The following IL1R2 variants were observed in gnomAD, a reference collection of about 807,000 sequenced individuals.
IL1R2 encodes interleukin 1 receptor type 2.
Under a neutral mutation model 39.5 loss-of-function variants are expected in IL1R2, and 46 were observed. That is an observed-to-expected ratio of 1.16 (90% CI 0.92 to 1.49). IL1R2 has a LOEUF of 1.49. Ranked by LOEUF, IL1R2 falls within the 40% of genes most tolerant of loss-of-function variation. The probability of loss-of-function intolerance (pLI) is 0.00; values close to 1 mark genes in which losing one functional copy is unlikely to be tolerated. For synonymous variants in IL1R2, 207 were observed against 189.6 expected (o/e 1.09, Z -0.75); for missense variants, 537 against 502.0 (o/e 1.07, Z -0.67).
intron 6 of IL1R2, among the ~76,000 whole-genome samples, chr2:102,023,916 G>A (rs374941991): frequency 3.8e-4 from 58 of 152,216 alleles, no homozygotes; most frequent in African/African-American, 1.3e-3. Context: ...CGGGCGTGGT[G>A]GCGGGTGCCC....
At position 102,009,748 on chromosome 2, in the gene IL1R2, G is replaced by A. The variant is rs145651311; in HGVS notation, c.254G>A (p.Arg85Gln). 2.0e-5 allele frequency: 32 copies of A among 1,614,170 alleles called. No homozygotes were observed. The highest frequency in any genetic ancestry group is 1.9e-4 in the South Asian group (17 of 91,086). Residue 85 changes from arginine to glutamine, a missense_variant, in exon 3 of 9, where the codon CGG becomes CAG. Arg to Gln is a conservative substitution (Grantham distance 43). Transcript: ENST00000332549. Reference sequence around the variant, plus strand: ...ACGGTCCCAGGAGAAGAAGAGACACGGATGTGGGCCCAGGACGGTGCTCTG... The same window carrying A: ...ACGGTCCCAGGAGAAGAAGAGACACAGATGTGGGCCCAGGACGGTGCTCTG... ...ARTVPGEEET[R>Q]MWAQDGALWL... is the part of the protein sequence containing the mutation.
intron 5 of IL1R2, 22 bp from the exon 6 acceptor site, chr2:102,022,165 C>T (rs775265303): frequency 6.2e-7 from 1 of 1,601,486 alleles, no homozygotes; most frequent in Non-Finnish European, 8.6e-7. Context: ...AACGGAATCT[C>T]TTTTCCTTAC....
chr2:102,007,832 A>G (rs1380345304), intron 1 of IL1R2, among the ~76,000 whole-genome samples: 2 of 152,390 alleles, frequency 1.3e-5, no homozygotes, highest in Non-Finnish European at 2.9e-5. Context: ...CTCTTCACAT[A>G]TGATAAGGTA....
intron 6 of IL1R2, among the ~76,000 whole-genome samples, chr2:102,023,847 A>ACCAT (rs1677546131): frequency 6.6e-6 from 1 of 151,644 alleles, no homozygotes; most frequent in Non-Finnish European, 1.5e-5. Context: ...GGAGATCGAG[A>ACCAT]CCATCCTGGC....
intron 1 of IL1R2, among the ~76,000 whole-genome samples, chr2:102,002,848 G>A (rs1675980441): frequency 2.9e-5 from 4 of 137,870 alleles, no homozygotes; most frequent in African/African-American, 7.9e-5. Context: ...CTGTGTCTAT[G>A]TCTGTGTCTA....
In IL1R2 at chr2:101,994,447, A is replaced by G. The variant is rs1675493437; in HGVS notation, c.-62+2436A>G. ...CATAGGGGAGACACTCGATCATGAC[A>G]GTGTCTTTGCCCAGTGGTTCTCAAA... On this transcript the variant is annotated intron_variant, in intron 1 of 8. Transcript: ENST00000332549. 1.3e-5 allele frequency among the ~76,000 whole-genome samples: 2 copies of G among 152,188 alleles called. 1 individual carries two copies. The highest frequency in any genetic ancestry group is 4.1e-4 in the South Asian group (2 of 4,832).
intron 1 of IL1R2, among the ~76,000 whole-genome samples, chr2:102,006,051 T>C (rs1485344050): frequency 6.6e-5 from 10 of 152,218 alleles, no homozygotes; most frequent in Admixed American, 6.5e-4. Context: ...TTTGGCACAA[T>C]AGCTATTGTT....
At chr2:102,002,729 C>CCTATGCCTATGCCTATGT (rs1675955779) in intron 1 of IL1R2, among the ~76,000 whole-genome samples, 2 of 20,158 alleles carry the variant, frequency 9.9e-5, no homozygotes, top group African/African-American at 2.3e-4. Context: ...TATGCCTATG[C>CCTATGCCTATGCCTATGT]CTATGTCTAT....
intron 7 of IL1R2, among the ~76,000 whole-genome samples, chr2:102,025,192 A>T (rs530597008): frequency 6.6e-6 from 1 of 152,250 alleles, no homozygotes; most frequent in African/African-American, 2.4e-5. Flanking sequence ...AGACTCGAAC[A>T]ATCAGACCTT....
chr2:102,026,652 T>C (rs566812874), intron 8 of IL1R2, among the ~76,000 whole-genome samples: 1 of 152,246 alleles, frequency 6.6e-6, no homozygotes, highest in Non-Finnish European at 1.5e-5. Context: ...GATTGGGAGC[T>C]ACCCAGGGTT....
intron 6 of IL1R2, among the ~76,000 whole-genome samples, chr2:102,023,965 C>T (rs3218969): frequency 2.1e-3 from 315 of 151,224 alleles, no homozygotes; most frequent in African/African-American, 7.2e-3. Context: ...AGGAGAATGG[C>T]GTGAACCGGG....
At chr2:102,023,951 A>G (rs1164229438) in intron 6 of IL1R2, among the ~76,000 whole-genome samples, 1 of 151,698 alleles carries the variant, frequency 6.6e-6, no homozygotes, top group Non-Finnish European at 1.5e-5. Context: ...CGGGGCGCCG[A>G]GGCAGGAGAA....
intron 3 of IL1R2, 174 bp downstream of exon 3, chr2:102,010,000 TG>T (rs1553614682): frequency 1.4e-6 from 1 of 727,460 alleles, no homozygotes; most frequent in Non-Finnish European, 2.2e-6. Flanking sequence ...AGTCTCATTC[TG>T]TCTCCATTTA....
At chr2:102,013,558 G>GAAAAAA (rs1676788000) in intron 3 of IL1R2, among the ~76,000 whole-genome samples, 1 of 33,754 alleles carries the variant, frequency 3.0e-5, no homozygotes, top group Non-Finnish European at 5.5e-5. Flanking sequence ...AAAAAGGAAA[G>GAAAAAA]AAAGAAAAGA....
chr2:102,016,481 A>G (rs1033798699), intron 4 of IL1R2: 16 of 162,882 alleles, frequency 9.8e-5, no homozygotes, highest in African/African-American at 3.8e-4. Flanking sequence ...ATATGTTTAT[A>G]TGTACAAAAA....
intron 1 of IL1R2, among the ~76,000 whole-genome samples, chr2:102,001,140 C>A (rs1675836785): frequency 2.0e-5 from 3 of 152,176 alleles, no homozygotes; most frequent in South Asian, 4.1e-4. Flanking sequence ...CCCAGACTCA[C>A]AGGGAATGGA....
intron 3 of IL1R2, among the ~76,000 whole-genome samples, chr2:102,012,429 A>T (rs1220522011): frequency 1.3e-5 from 2 of 152,176 alleles, no homozygotes; most frequent in Admixed American, 6.5e-5. Context: ...CAGTGGAAGT[A>T]CTGGTGAATG....
chr2:102,028,204 T>G (rs539610177), intron 8 of IL1R2, 22 bp from the exon 9 acceptor site: 1 of 1,590,018 alleles, frequency 6.3e-7, no homozygotes. Context: ...CAGCTCCTGA[T>G]GTGACTCTGT....
chr2:102,016,714 C>A (rs924058939), intron 4 of IL1R2, among the ~76,000 whole-genome samples: 1 of 152,184 alleles, frequency 6.6e-6, no homozygotes, highest in African/African-American at 2.4e-5. Flanking sequence ...TGTATTTACA[C>A]AGGGCATTTA....
Sources: gnomAD v4.1 joint callset for allele counts (sites outside exome capture counted in the v4.1 genomes callset) on GRCh38, gnomAD v4.1.1 for gene constraint, MANE v1.5 for transcripts, NCBI Gene and HGNC (gene_info 2026-07-23, HGNC 2026-07-21) for gene names.